Variants in ASAP2 observed in about 807,000 individuals in gnomAD.
ASAP2 encodes the protein ArfGAP with SH3 domain, ankyrin repeat and PH domain 2.
ASAP2 carries 45 observed loss-of-function variants against 131.4 expected under a neutral mutation model. The observed-to-expected ratio is 0.34, with a 90% CI of 0.27 to 0.44. ASAP2 has a LOEUF of 0.44. Among genes scored for constraint, ASAP2 ranks in the 20% least tolerant of loss-of-function variants. ASAP2 has a pLI of 1.00. For synonymous variants in ASAP2, 510 were observed against 503.0 expected (o/e 1.01, Z -0.19); for missense variants, 1,011 against 1,297.0 (o/e 0.78, Z 3.39).
intron 1 of ASAP2, among the ~76,000 whole-genome samples, chr2:9,216,958 T>G (rs935084397): frequency 6.6e-6 from 1 of 152,136 alleles, no homozygotes; most frequent in African/African-American, 2.4e-5. Flanking sequence ...ATGCTTTAAA[T>G]TCTTTACATA....
Position 9,207,003 on chromosome 2 carries a change from G to C in ASAP2, c.-102G>C, listed in dbSNP as rs1296449166. ...CTCCCCTTTGTCCGCGGGCCGGAGC[G>C]GCGGCGGCAGCGGCGGTGTCCGAGC... On this transcript the variant is annotated 5_prime_UTR_variant, in exon 1 of 28. Transcript: ENST00000281419. The surrounding 1 kb of genome is among the most constrained non-coding windows in gnomAD (Gnocchi z 4.1). 1 of 1,045,218 alleles carries C rather than the reference G, an allele frequency of 9.6e-7. No individual in the cohort carries two copies. The highest frequency in any genetic ancestry group is 5.6e-5 in the Admixed American group (1 of 17,892). 64.7% of individuals were successfully genotyped at this position (1,045,218 alleles called of 1,614,324 possible).
chr2:9,339,606 C>G lies in ASAP2; in HGVS notation c.849+4427C>G, dbSNP rs1410382950. ...AAAGATACCGTAGTGACCAAATTCC[C>G]TTCCCTCATGGTGTCGCGCTCTTAG... On this transcript the variant is annotated intron_variant, in intron 9 of 27. Coordinates refer to ENST00000281419, the MANE Select transcript of ASAP2 (RefSeq NM_003887.3). 2.6e-5 allele frequency among the ~76,000 whole-genome samples: 4 copies of G among 151,822 alleles called. 1 individual carries two copies. Among genetic ancestry groups the G allele is most frequent in the African/African-American group, 9.7e-5 (4 of 41,336 alleles).
intron 3 of ASAP2, among the ~76,000 whole-genome samples, chr2:9,298,400 G>A (rs918418387): frequency 6.6e-6 from 1 of 152,190 alleles, no homozygotes; most frequent in Non-Finnish European, 1.5e-5. Flanking sequence ...AGGAGCACTC[G>A]GGCCCTTGCT....
intron 1 of ASAP2, among the ~76,000 whole-genome samples, chr2:9,245,612 T>C (rs966781110): frequency 2.0e-5 from 3 of 152,204 alleles, no homozygotes; most frequent in African/African-American, 7.2e-5. Context: ...CTCTTTCTCT[T>C]TGTTTCTTCA....
At chr2:9,263,279 A>G (rs549728716) in intron 1 of ASAP2, among the ~76,000 whole-genome samples, 13 of 152,248 alleles carry the variant, frequency 8.5e-5, no homozygotes, top group African/African-American at 3.1e-4. Context: ...GCCACAGCTC[A>G]GTAATGTGGG....
chr2:9,365,663 G>T (rs896339519), intron 15 of ASAP2, among the ~76,000 whole-genome samples: 1 of 152,236 alleles, frequency 6.6e-6, no homozygotes, highest in Non-Finnish European at 1.5e-5. Flanking sequence ...CCCGTATGGT[G>T]AGTGCCAAGA....
chr2:9,321,290 G>C (rs1031306370), intron 5 of ASAP2, among the ~76,000 whole-genome samples: 6 of 152,122 alleles, frequency 3.9e-5, no homozygotes, highest in African/African-American at 1.4e-4. Flanking sequence ...CCACACCTTT[G>C]ATACTCCTTC....
At chr2:9,208,138 G>A (rs1661268981) in intron 1 of ASAP2, among the ~76,000 whole-genome samples, 3 of 152,142 alleles carry the variant, frequency 2.0e-5, no homozygotes, top group East Asian at 1.9e-4. Context: ...CCCATCAAAC[G>A]GGATTAGTAA....
chr2:9,401,473 G>A (rs1311383599), intron 27 of ASAP2, 77 bp downstream of exon 27: 1 of 1,547,176 alleles, frequency 6.5e-7, no homozygotes, highest in Non-Finnish European at 8.7e-7. Context: ...AGACGGGCTT[G>A]CAGGTGAGGT....
chr2:9,371,214 C>T (rs930694292), intron 16 of ASAP2, among the ~76,000 whole-genome samples: 1 of 152,202 alleles, frequency 6.6e-6, no homozygotes, highest in Admixed American at 6.5e-5. Context: ...GCGGATGACC[C>T]GTGTGATGGC....
intron 24 of ASAP2, among the ~76,000 whole-genome samples, chr2:9,395,343 C>T (rs914828061): frequency 6.6e-6 from 1 of 151,988 alleles, no homozygotes; most frequent in African/African-American, 2.4e-5. Flanking sequence ...GGCATGGTGG[C>T]ATGCACCTGT....
chr2:9,333,742 C>T (rs1050053315), intron 7 of ASAP2, among the ~76,000 whole-genome samples: 2 of 152,098 alleles, frequency 1.3e-5, no homozygotes, highest in African/African-American at 2.4e-5. Context: ...TGGAAATGCC[C>T]GTTCTTCATT....
At chr2:9,401,006 G>A (rs1448493450) in intron 26 of ASAP2, among the ~76,000 whole-genome samples, 176 bp downstream of exon 26, 2 of 152,166 alleles carry the variant, frequency 1.3e-5, no homozygotes, top group South Asian at 2.1e-4. Flanking sequence ...CCCTCCTGCC[G>A]CAGCTCCACA....
Position 9,404,884 on chromosome 2 carries a change from T to C in ASAP2, c.*1557T>C, listed in dbSNP as rs1401746562. ...GTGTTATATCTGTAGTTTTTTGTTT[T>C]TGTTTTTTTTTAAAGCACTACATCT... On this transcript the variant is annotated 3_prime_UTR_variant, in exon 28 of 28. Coordinates refer to ENST00000281419, the MANE Select transcript of ASAP2 (RefSeq NM_003887.3). 2 of 152,594 alleles carry C rather than the reference T, an allele frequency of 1.3e-5. No individual in the cohort carries two copies. The highest frequency in any genetic ancestry group is 4.8e-5 in the African/African-American group (2 of 41,442). The allele number at this position is 152,594 out of a possible 1,614,324, so 9.5% of individuals were successfully genotyped here. A position where few individuals can be genotyped will look rare whatever the true frequency, so the allele number is the denominator to read the frequency against.
chr2:9,381,767 G>A (rs1262087713), intron 20 of ASAP2, among the ~76,000 whole-genome samples: 1 of 152,102 alleles, frequency 6.6e-6, no homozygotes, highest in African/African-American at 2.4e-5. Context: ...GCTGGGTGTG[G>A]TGGCACGCAC....
intron 1 of ASAP2, among the ~76,000 whole-genome samples, chr2:9,245,242 T>G (rs1353507991): frequency 6.6e-6 from 1 of 152,092 alleles, no homozygotes; most frequent in Non-Finnish European, 1.5e-5. Context: ...TAGCAATGGC[T>G]TTGTTGAGGA....
At position 9,324,384 on chromosome 2, in the gene ASAP2, C is replaced by T. The variant is rs376736268; in HGVS notation, c.600+1134C>T. Among the ~76,000 whole-genome samples the T allele has an allele frequency of 5.9e-5, 9 of 152,292 alleles. No homozygotes were observed. In the East Asian group the frequency reaches 1.4e-3, roughly 23 times the overall value. On this transcript the variant is annotated intron_variant, in intron 6 of 27. Coordinates refer to ENST00000281419, the MANE Select transcript of ASAP2 (RefSeq NM_003887.3). Reference sequence around the variant, plus strand: ...TGTTAGAATATCTACTTATCTTAGCCTGTTTTCTGTTGCTATAACTGAATA... The same window carrying T: ...TGTTAGAATATCTACTTATCTTAGCTTGTTTTCTGTTGCTATAACTGAATA...
chr2:9,332,389 G>A (rs552028253), intron 7 of ASAP2, among the ~76,000 whole-genome samples: 51 of 152,296 alleles, frequency 3.3e-4, no homozygotes, highest in African/African-American at 1.1e-3. Flanking sequence ...AGGAGGGTAC[G>A]GGAAGGTCAG....
chr2:9,283,062 G>T (rs1667237795), intron 2 of ASAP2, among the ~76,000 whole-genome samples: 2 of 150,788 alleles, frequency 1.3e-5, no homozygotes, highest in Admixed American at 1.3e-4. Flanking sequence ...TGACTCTCTT[G>T]TAATAGATTC....
Sources: allele counts gnomAD v4.1 joint callset (sites outside exome capture counted in the v4.1 genomes callset), GRCh38; gene constraint gnomAD v4.1.1; non-coding constraint Gnocchi (gnomAD v3.1); transcripts MANE v1.5; gene names NCBI Gene and HGNC (gene_info 2026-07-23, HGNC 2026-07-21).